Variants in BANK1 observed in about 807,000 individuals in gnomAD.
BANK1 encodes the protein B cell scaffold protein with ankyrin repeats 1.
Under a neutral mutation model 94.5 loss-of-function variants are expected in BANK1, and 95 were observed. The ratio of observed to expected loss-of-function variants is 1.00; its 90% CI spans 0.85 to 1.19. BANK1 has a LOEUF of 1.19. Among genes scored for constraint, BANK1 ranks in the 50% most tolerant of loss-of-function variants. The pLI, the probability that BANK1 is intolerant of heterozygous loss-of-function variation, is 0.00. For synonymous variants in BANK1, 334 were observed against 308.4 expected, an observed-to-expected ratio of 1.08 and a Z score of -0.87; for missense variants, 987 against 932.2, an observed-to-expected ratio of 1.06 and a Z score of -0.77.
chr4:101,922,097 G>A (rs1484471788), intron 7 of BANK1, among the ~76,000 whole-genome samples: 1 of 150,622 alleles, frequency 6.6e-6, no homozygotes, highest in Non-Finnish European at 1.5e-5. Flanking sequence ...CTGACTGACA[G>A]GCCCTAATCT....
intron 5 of BANK1, among the ~76,000 whole-genome samples, chr4:101,889,659 T>C (rs1721777640): frequency 6.6e-6 from 1 of 151,780 alleles, no homozygotes; most frequent in African/African-American, 2.4e-5. Flanking sequence ...TTTTCTTTAT[T>C]GTTTTCATAC....
intron 2 of BANK1, among the ~76,000 whole-genome samples, chr4:101,843,752 T>A (rs961916622): frequency 6.6e-6 from 1 of 151,528 alleles, no homozygotes; most frequent in South Asian, 2.1e-4. Flanking sequence ...CCATCTCTAC[T>A]AAATATACAA....
chr4:101,976,837 G>A (rs1020359157), intron 7 of BANK1: 1 of 152,068 alleles, frequency 6.6e-6, no homozygotes, highest in Non-Finnish European at 1.5e-5. Context: ...AGATTTAAAA[G>A]TATCAGAGAT....
chr4:101,822,998 A>G (rs1726232468), intron 1 of BANK1, among the ~76,000 whole-genome samples: 1 of 152,088 alleles, frequency 6.6e-6, no homozygotes, highest in African/African-American at 2.4e-5. Flanking sequence ...GCTGCAGTGA[A>G]CATTTATGTG....
At chr4:102,053,702 CTT>C (rs1307803921) in intron 11 of BANK1, among the ~76,000 whole-genome samples, 3 of 151,212 alleles carry the variant, frequency 2.0e-5, no homozygotes, top group African/African-American at 7.3e-5. Flanking sequence ...CTGAAGTAAA[CTT>C]AAATAATTAT....
At chr4:101,879,331 C>G (rs1476162046) in intron 5 of BANK1, among the ~76,000 whole-genome samples, 1 of 151,892 alleles carries the variant, frequency 6.6e-6, no homozygotes, top group Admixed American at 6.6e-5. Context: ...CAACTATATA[C>G]CAACAAAGTG....
At chr4:101,794,278 T>G (rs987394927) in intron 1 of BANK1, among the ~76,000 whole-genome samples, 2 of 152,020 alleles carry the variant, frequency 1.3e-5, no homozygotes, top group Non-Finnish European at 2.9e-5. Flanking sequence ...AGAAAAACTG[T>G]GGAGTATTTC....
intron 7 of BANK1, among the ~76,000 whole-genome samples, chr4:101,959,200 C>A (rs938833972): frequency 1.3e-5 from 2 of 151,472 alleles, no homozygotes; most frequent in African/African-American, 4.9e-5. Flanking sequence ...AGTGCAATGG[C>A]GCAATTTCAG....
At chr4:101,812,472 A>G (rs1013925080) in intron 1 of BANK1, among the ~76,000 whole-genome samples, 14 of 151,970 alleles carry the variant, frequency 9.2e-5, no homozygotes, top group African/African-American at 3.1e-4. Flanking sequence ...TTAAGCAGTG[A>G]GATTCATTAA....
intron 13 of BANK1, 65 bp downstream of exon 13, chr4:102,063,203 G>A: frequency 7.1e-7 from 1 of 1,403,468 alleles, no homozygotes. Flanking sequence ...CAAGGACTGT[G>A]GAGATGATTG....
At chr4:101,993,008 C>T (rs760714583) in intron 7 of BANK1, among the ~76,000 whole-genome samples, 1 of 152,104 alleles carries the variant, frequency 6.6e-6, no homozygotes, top group Non-Finnish European at 1.5e-5. Flanking sequence ...GGTTCACAAG[C>T]CCTTTAGGAA....
At chr4:102,045,667 A>C (rs1727854652) in intron 11 of BANK1, among the ~76,000 whole-genome samples, 2 of 152,140 alleles carry the variant, frequency 1.3e-5, no homozygotes, top group Non-Finnish European at 2.9e-5. Flanking sequence ...CAGAGAGCCA[A>C]ATCATGAGTG....
chr4:101,909,637 C>T (rs1382580440), intron 6 of BANK1, among the ~76,000 whole-genome samples: 10 of 152,124 alleles, frequency 6.6e-5, no homozygotes, highest in South Asian at 4.1e-4. Context: ...AACCTTCCAG[C>T]GTGGGCATTA....
chr4:102,035,719 C>T (rs1039548668), intron 10 of BANK1, among the ~76,000 whole-genome samples: 1 of 151,642 alleles, frequency 6.6e-6, no homozygotes, highest in Admixed American at 6.6e-5. Context: ...TTTTTTATCC[C>T]ATTGCTGTTG....
intron 2 of BANK1, among the ~76,000 whole-genome samples, chr4:101,851,353 T>TA (rs1273795896): frequency 3.9e-5 from 6 of 152,168 alleles, no homozygotes; most frequent in South Asian, 2.1e-4. Context: ...ATAAATCATT[T>TA]AAAAAAACCT....
Position 101,832,966 on chromosome 4 carries a change from A to G in BANK1, c.469+2760A>G, listed in dbSNP as rs540274640. On this transcript the variant is annotated intron_variant, in intron 2 of 16. Transcript: ENST00000322953. Reference sequence around the variant, plus strand: ...CTTTTAGTATCTTTATATAGATTCTATGCTTGTTCAGGTTTCTTTCTTTTT... The same window carrying G: ...CTTTTAGTATCTTTATATAGATTCTGTGCTTGTTCAGGTTTCTTTCTTTTT... 1.4e-3 allele frequency among the ~76,000 whole-genome samples: 198 copies of G among 140,122 alleles called. 1 individual carries two copies. The highest frequency in any genetic ancestry group is 4.6e-3 in the African/African-American group (175 of 37,694). The allele number at this position is 140,122 out of a possible 152,430, so 91.9% of individuals were successfully genotyped here.
At chr4:102,030,532 C>CA (rs1274856860) in intron 10 of BANK1, among the ~76,000 whole-genome samples, 1 of 151,826 alleles carries the variant, frequency 6.6e-6, no homozygotes, top group Non-Finnish European at 1.5e-5. Context: ...CTGCTGTACC[C>CA]ATCAACCCGT....
At chr4:101,815,330 G>A (rs1023577760) in intron 1 of BANK1, among the ~76,000 whole-genome samples, 1 of 152,058 alleles carries the variant, frequency 6.6e-6, no homozygotes, top group African/African-American at 2.4e-5. Flanking sequence ...CTTTTATATG[G>A]ATGTAATAAA....
At chr4:101,854,454 A>G (rs1727606594) in intron 2 of BANK1, among the ~76,000 whole-genome samples, 2 of 152,198 alleles carry the variant, frequency 1.3e-5, no homozygotes, top group Admixed American at 6.5e-5. Flanking sequence ...TAATACTGCT[A>G]TAAGGAAACC....
Sources: gnomAD v4.1 joint callset for allele counts (sites outside exome capture counted in the v4.1 genomes callset) on GRCh38, gnomAD v4.1.1 for gene constraint, MANE v1.5 for transcripts, NCBI Gene and HGNC (gene_info 2026-07-23, HGNC 2026-07-21) for gene names.